The following GABRE variants were observed in gnomAD, a reference collection of about 807,000 sequenced individuals.
GABRE encodes the protein gamma-aminobutyric acid type A receptor subunit epsilon, also known as gamma-aminobutyric acid receptor subunit epsilon.
In GABRE, 20 loss-of-function variants were observed where a neutral mutation model predicts 31.0. That is an observed-to-expected ratio of 0.64 (90% CI 0.45 to 0.94). GABRE has a LOEUF of 0.94. Ranked by LOEUF, GABRE falls within the 40% of genes least tolerant of loss-of-function variation. The pLI is 0.00. For synonymous variants in GABRE, 155 were observed against 150.6 expected, an observed-to-expected ratio of 1.03 and a Z score of -0.21; for missense variants, 420 against 410.7, an observed-to-expected ratio of 1.02 and a Z score of -0.20.
Position 151,953,454 on chromosome X carries a change from G to GT in GABRE, c.*1246dup, listed in dbSNP as rs1934018515. On this transcript the variant is annotated 3_prime_UTR_variant, in exon 9 of 9. Transcript: ENST00000370328. ...CTAGCCCTATCATGTGGTCTAGAAG[G>GT]TGACAGTGGGCTCTTGGATAGCTTC... The GT allele has an allele frequency of 8.9e-6, 1 of 111,744 alleles. No individual in the cohort carries two copies. Among genetic ancestry groups the GT allele is most frequent in the Non-Finnish European group, 1.9e-5 (1 of 53,167 alleles). The allele number at this position is 111,744 out of a possible 1,213,427, so 9.2% of individuals were successfully genotyped here.
At chrX:151,958,680 A>G (rs1176648528) in intron 6 of GABRE, 5 of 358,145 alleles carry the variant, frequency 1.4e-5, no homozygotes, top group Admixed American at 8.3e-5. Flanking sequence ...CTTCTCTGTC[A>G]CTTTTGATGA....
At chrX:151,957,373 T>C in intron 6 of GABRE, 1 of 307,840 alleles carries the variant, frequency 3.2e-6, no homozygotes, top group South Asian at 3.0e-5. Flanking sequence ...GAAACCTGTG[T>C]GTTGAGTATA....
chrX:151,968,425 C>T (rs1260152138), intron 3 of GABRE, among the ~76,000 whole-genome samples: 2 of 112,516 alleles, frequency 1.8e-5, no homozygotes, highest in Non-Finnish European at 3.8e-5. Flanking sequence ...CCTGAAGAAT[C>T]AGGCAGCCAA....
chrX:151,956,062 C>A, intron 6 of GABRE: 3 of 426,593 alleles, frequency 7.0e-6, no homozygotes, highest in South Asian at 4.3e-5. Flanking sequence ...CAGTTGAGAG[C>A]TAAGCCAAGG....
chrX:151,968,182 C>A (rs1934581371), intron 3 of GABRE, among the ~76,000 whole-genome samples: 1 of 112,081 alleles, frequency 8.9e-6, no homozygotes. Context: ...AGAATCCTGC[C>A]AATCCTGTGA....
In GABRE at chrX:151,970,239, T is replaced by C; in HGVS notation, c.220A>G (p.Ile74Val). The change falls in exon 2 of 9, where the codon ATC becomes GTC. Residue 74 changes from isoleucine to valine, a missense_variant. Coordinates refer to ENST00000370328, the MANE Select transcript of GABRE (RefSeq NM_004961.4). ...TAATTACTCAGGATAGTGTTCAGGA[T>C]GCGAGAGGCTTCTGGCAGTTTGCCA... is the stretch of plus-strand genomic sequence containing the variant. ...RVGKLPEASR[I>V]LNTILSNYDH... 8.3e-7 allele frequency: 1 copy of C among 1,211,996 alleles called. No homozygotes were observed. Among genetic ancestry groups the C allele is most frequent in the Non-Finnish European group, 1.1e-6 (1 of 895,588 alleles).
chrX:151,958,803 C>T (rs1259095852), intron 6 of GABRE: 1 of 268,775 alleles, frequency 3.7e-6, no homozygotes, highest in African/African-American at 2.8e-5. Flanking sequence ...ACCGCTTCCC[C>T]AGAGTCCCCA....
Position 151,974,643 on chromosome X carries a change from C to A in GABRE, c.-18G>T, listed in dbSNP as rs371638699. The A allele has an allele frequency of 2.0e-4, 228 of 1,144,567 alleles. 1 individual carries two copies. Among genetic ancestry groups the A allele is most frequent in the Admixed American group, 5.2e-4 (21 of 40,699 alleles). The allele number at this position is 1,144,567 out of a possible 1,213,427, so 94.3% of individuals were successfully genotyped here. On this transcript the variant is annotated 5_prime_UTR_variant, in exon 1 of 9. Transcript: ENST00000370328. ...GACAACATTTCCGCGGAGACCGGCG[C>A]GACCACCTGCGCGGAGGTCGCGGCT...
intron 2 of GABRE, 89 bp from the exon 3 acceptor site, chrX:151,969,825 T>G: frequency 2.6e-6 from 3 of 1,145,875 alleles, no homozygotes; most frequent in Non-Finnish European, 3.5e-6. Context: ...GAAAGGGGAG[T>G]CAAGTAAGTG....
At position 151,974,604 on chromosome X, in the gene GABRE, C is replaced by T; in HGVS notation, c.22G>A (p.Val8Ile). The change falls in exon 1 of 9, where the codon GTC becomes ATC. Residue 8 changes from valine to isoleucine, a missense_variant. Transcript: ENST00000370328. MLSKVLPVLLGILLILQS... is the reference protein window; with the variant it reads MLSKVLPILLGILLILQS... Reference sequence around the variant, plus strand: ...AGGATCAATAAGATGCCTAGGAGGACTGGAAGAACTTTGGACAACATTTCC... The same window carrying T: ...AGGATCAATAAGATGCCTAGGAGGATTGGAAGAACTTTGGACAACATTTCC... The T allele has an allele frequency of 8.5e-7, 1 of 1,180,065 alleles. No homozygotes were observed. Among genetic ancestry groups the T allele is most frequent in the Non-Finnish European group, 1.1e-6 (1 of 879,131 alleles).
At position 151,974,668 on chromosome X, in the gene GABRE, T is replaced by G. The variant is rs1235164604; in HGVS notation, c.-43A>C. 10 of 1,038,247 alleles carry G rather than the reference T, an allele frequency of 9.6e-6. No homozygotes were observed. The highest frequency in any genetic ancestry group is 1.3e-5 in the Non-Finnish European group (10 of 759,608). 85.6% of individuals were successfully genotyped at this position (1,038,247 alleles called of 1,213,427 possible). A position where few individuals can be genotyped will look rare whatever the true frequency, so the allele number is the denominator to read the frequency against. ...CGACCACCTGCGCGGAGGTCGCGGC[T>G]CACGCTCTGGCCGCACTGAGCGCGG... On this transcript the variant is annotated 5_prime_UTR_variant, in exon 1 of 9. Transcript: ENST00000370328.
chrX:151,972,525 C>G (rs893635797), intron 1 of GABRE: 23 of 751,498 alleles, frequency 3.1e-5, no homozygotes, highest in African/African-American at 9.4e-5. Context: ...CTGAAGCAGC[C>G]CCTCCCAGAT....
chrX:151,967,307 A>AACTAG (rs1934553784), intron 3 of GABRE, among the ~76,000 whole-genome samples: 1 of 112,411 alleles, frequency 8.9e-6, no homozygotes, highest in Admixed American at 9.4e-5. Context: ...AGGAGCAGAG[A>AACTAG]ACTAGAAGAA....
intron 3 of GABRE, among the ~76,000 whole-genome samples, chrX:151,966,188 C>T (rs1397418276): frequency 1.8e-5 from 2 of 112,627 alleles, no homozygotes; most frequent in African/African-American, 6.4e-5. Flanking sequence ...CCCAGTTTGA[C>T]AAAGGAGCTT....
At position 151,954,257 on chromosome X, in the gene GABRE, C is replaced by T. The variant is rs747822719; in HGVS notation, c.*444G>A. On this transcript the variant is annotated 3_prime_UTR_variant, in exon 9 of 9. Transcript: ENST00000370328. ...TGCCAGGTATAGGCAAGCAACTAGT[C>T]GGTGCACTTTGAGGCTGAGGCCAGA... The T allele has an allele frequency of 1.2e-3, 146 of 119,619 alleles. No homozygotes were observed. The highest frequency in any genetic ancestry group is 4.5e-3 in the African/African-American group (140 of 31,191). The allele number at this position is 119,619 out of a possible 1,213,427, so 9.9% of individuals were successfully genotyped here.
chrX:151,961,164 C>T (rs1410127923), intron 5 of GABRE, 119 bp downstream of exon 5: 7 of 515,218 alleles, frequency 1.4e-5, no homozygotes, highest in South Asian at 3.0e-5. Flanking sequence ...GGAAGTCCTG[C>T]ACAACCTTGG....
intron 3 of GABRE, among the ~76,000 whole-genome samples, chrX:151,968,795 C>T (rs1347094771): frequency 4.5e-5 from 5 of 111,628 alleles, no homozygotes; most frequent in South Asian, 3.8e-4. Flanking sequence ...ACAGCAAGGC[C>T]GACATACCAC....
intron 3 of GABRE, among the ~76,000 whole-genome samples, chrX:151,963,709 A>T (rs1934449823): frequency 8.9e-6 from 1 of 112,543 alleles, no homozygotes; most frequent in Non-Finnish European, 1.9e-5. Context: ...GGTATACATG[A>T]TCAACATGAA....
At chrX:151,970,033 A>G in intron 2 of GABRE, 152 bp downstream of exon 2, 2 of 1,105,315 alleles carry the variant, frequency 1.8e-6, no homozygotes, top group Non-Finnish European at 2.4e-6. Flanking sequence ...ACTGCTGAGA[A>G]TAGAGTTAAT....
Sources: gnomAD v4.1 joint callset for allele counts (sites outside exome capture counted in the v4.1 genomes callset) on GRCh38, gnomAD v4.1.1 for gene constraint, MANE v1.5 for transcripts, NCBI Gene and HGNC (gene_info 2026-07-23, HGNC 2026-07-21) for gene names.